The following CLNK variants were observed in gnomAD, a reference collection of about 807,000 sequenced individuals.
The protein encoded by CLNK is cytokine dependent hematopoietic cell linker.
Under a neutral mutation model 68.6 loss-of-function variants are expected in CLNK, and 74 were observed. The observed-to-expected ratio is 1.08, with a 90% CI of 0.89 to 1.31. CLNK has a LOEUF of 1.31. Ranked by LOEUF, CLNK falls within the 50% of genes most tolerant of loss-of-function variation. CLNK has a pLI of 0.00. For missense variants in CLNK, 553 were observed against 515.3 expected (o/e 1.07, Z -0.71); for synonymous variants, 198 against 172.2 (o/e 1.15, Z -1.17).
intron 2 of CLNK, among the ~76,000 whole-genome samples, chr4:10,666,596 T>G (rs1326101808): frequency 1.3e-5 from 2 of 152,196 alleles, no homozygotes; most frequent in African/African-American, 4.8e-5. Flanking sequence ...AGACAAGTCA[T>G]TTAGATGAAG....
intron 1 of CLNK, among the ~76,000 whole-genome samples, chr4:10,668,765 T>A (rs965722729): frequency 6.6e-6 from 1 of 152,146 alleles, no homozygotes; most frequent in Non-Finnish European, 1.5e-5. Flanking sequence ...TGGCTTTCAG[T>A]TGTGGGACCT....
chr4:10,564,647 T>C, intron 7 of CLNK, 24 bp downstream of exon 7: 1 of 1,509,266 alleles, frequency 6.6e-7, no homozygotes, highest in African/African-American at 1.4e-5. Context: ...CATGTTTGTG[T>C]CACAATGTCC....
chr4:10,615,222 G>A (rs186454528), intron 2 of CLNK, among the ~76,000 whole-genome samples: 550 of 152,146 alleles, frequency 3.6e-3, no homozygotes, highest in African/African-American at 0.013. Flanking sequence ...GCTTATGCCT[G>A]TAATCCCAGC....
rs553252129 is a variant in CLNK, at chr4:10,643,158, A to G, written c.11+24701T>C. Among the ~76,000 whole-genome samples, 3 of 152,338 alleles carry G rather than the reference A, an allele frequency of 2.0e-5. No homozygotes were observed. In the East Asian group the frequency reaches 5.8e-4, roughly 29 times the overall value. On this transcript the variant is annotated intron_variant, in intron 2 of 18. Transcript: ENST00000226951. ...TGTTTCTAAATTATGTCACCTGGAA[A>G]AGAATGAATCTTCCTGGAAGTTACA...
chr4:10,699,516 T>TA, the CLNK span, among the ~76,000 whole-genome samples: 71 of 107,872 alleles, frequency 6.6e-4, 1 homozygote, highest in African/African-American at 3.0e-3. Flanking sequence ...ATATATATTT[T>TA]TTTTTTTTTT....
chr4:10,537,639 CTTTCTTT>C (rs1560206776), intron 11 of CLNK, among the ~76,000 whole-genome samples: 769 of 62,538 alleles, frequency 0.012, 58 homozygotes, highest in South Asian at 0.02. Flanking sequence ...CTTTCTTTCT[CTTTCTTT>C]CTTTCTTTCT....
chr4:10,539,110 T>C (rs1718914276), intron 11 of CLNK, among the ~76,000 whole-genome samples: 1 of 152,232 alleles, frequency 6.6e-6, no homozygotes, highest in South Asian at 2.1e-4. Flanking sequence ...GTCTGAGATA[T>C]TTCTTTATAG....
intron 2 of CLNK, among the ~76,000 whole-genome samples, chr4:10,621,840 C>G (rs763713085): frequency 7.9e-5 from 12 of 152,166 alleles, no homozygotes; most frequent in Admixed American, 3.3e-4. Context: ...TGGGGCTCCA[C>G]AGGTAAGAGA....
intron 2 of CLNK, among the ~76,000 whole-genome samples, chr4:10,664,161 A>G (rs1160615568): frequency 6.6e-6 from 1 of 152,160 alleles, no homozygotes; most frequent in Non-Finnish European, 1.5e-5. Flanking sequence ...GAAATTCCAG[A>G]TTATAGAATT....
Position 10,630,909 on chromosome 4 carries a change from G to A in CLNK, c.12-32860C>T, listed in dbSNP as rs116116716. Among the ~76,000 whole-genome samples, 321 of 152,200 alleles carry A rather than the reference G, an allele frequency of 2.1e-3. 1 individual carries two copies. The highest frequency in any genetic ancestry group is 7.0e-3 in the African/African-American group (289 of 41,522). On this transcript the variant is annotated intron_variant, in intron 2 of 18. Coordinates refer to ENST00000226951, the MANE Select transcript of CLNK (RefSeq NM_052964.4). ...TACACCAAGCCATTTATCTCCAGGC[G>A]TATTTGCCAAATGAATAAATGGATG...
chr4:10,683,371 C>T (rs1201357663), intron 1 of CLNK, among the ~76,000 whole-genome samples: 2 of 152,146 alleles, frequency 1.3e-5, no homozygotes, highest in Non-Finnish European at 2.9e-5. Flanking sequence ...TCTGAGAGGG[C>T]TTGTTGGGAA....
intron 2 of CLNK, among the ~76,000 whole-genome samples, chr4:10,632,941 G>T (rs77372758): frequency 6.6e-6 from 1 of 152,156 alleles, no homozygotes; most frequent in African/African-American, 2.4e-5. Context: ...ACAGAGAAAA[G>T]ATAAGCATTT....
At chr4:10,699,268 C>CACACATACACACCACGTATGTGTATAT in the CLNK span, among the ~76,000 whole-genome samples, 7 of 32,416 alleles carry the variant, frequency 2.2e-4, 1 homozygote, top group South Asian at 4.7e-3. Context: ...TGTGTATACA[C>CACACATACACACCACGTATGTGTATAT]ACACACACAC....
intron 8 of CLNK, among the ~76,000 whole-genome samples, chr4:10,556,844 G>A (rs1030772156): frequency 2.6e-5 from 4 of 152,098 alleles, no homozygotes; most frequent in Admixed American, 1.3e-4. Context: ...TTGGGAGGCC[G>A]AGGTGGGCAG....
intron 2 of CLNK, among the ~76,000 whole-genome samples, chr4:10,608,951 ATTT>A (rs1721898169): frequency 1.3e-5 from 2 of 152,234 alleles, no homozygotes; most frequent in Middle Eastern, 3.4e-3. Context: ...TCTCTCTTAC[ATTT>A]CTTCTTAGAA....
At chr4:10,607,585 C>T (rs1261454599) in intron 2 of CLNK, among the ~76,000 whole-genome samples, 5 of 152,176 alleles carry the variant, frequency 3.3e-5, no homozygotes, top group Non-Finnish European at 7.3e-5. Flanking sequence ...CTGTTTTTGT[C>T]TTGCCTGGCA....
intron 8 of CLNK, among the ~76,000 whole-genome samples, chr4:10,557,610 A>G (rs1249760839): frequency 6.6e-6 from 1 of 152,148 alleles, no homozygotes; most frequent in African/African-American, 2.4e-5. Flanking sequence ...TCTTCCCCCT[A>G]TACCACAATC....
chr4:10,616,728 T>C (rs1427480844), intron 2 of CLNK, among the ~76,000 whole-genome samples: 1 of 151,410 alleles, frequency 6.6e-6, no homozygotes, highest in Non-Finnish European at 1.5e-5. Flanking sequence ...AATTATGTAC[T>C]ATACAACTTT....
chr4:10,555,236 A>T (rs1719618653), intron 8 of CLNK, among the ~76,000 whole-genome samples: 1 of 151,924 alleles, frequency 6.6e-6, no homozygotes, highest in South Asian at 2.1e-4. Context: ...GGCTTATTGT[A>T]GTTCTTTATA....
Sources: allele counts gnomAD v4.1 joint callset (sites outside exome capture counted in the v4.1 genomes callset), GRCh38; gene constraint gnomAD v4.1.1; transcripts MANE v1.5; gene names NCBI Gene and HGNC (gene_info 2026-07-23, HGNC 2026-07-21).